ALK: variants seen among roughly 807,000 people sequenced by gnomAD.
ALK encodes ALK receptor tyrosine kinase.
Under a neutral mutation model 163.1 loss-of-function variants are expected in ALK, and 74 were observed. The observed-to-expected ratio is 0.45, with a 90% CI of 0.38 to 0.55. The LOEUF (loss-of-function observed/expected upper bound fraction) is 0.55, where lower values mean the gene tolerates loss of function less well. ALK is among the 20% of genes least tolerant of loss of function. The pLI is 0.00. For missense variants in ALK, 2,063 were observed against 2,105.3 expected, an observed-to-expected ratio of 0.98 and a Z score of 0.39; for synonymous variants, 960 against 843.2, an observed-to-expected ratio of 1.14 and a Z score of -2.40.
chr2:29,344,819 A>C (rs1267395622), intron 5 of ALK, among the ~76,000 whole-genome samples: 1 of 152,214 alleles, frequency 6.6e-6, no homozygotes, highest in African/African-American at 2.4e-5. Context: ...AGAAGGCTCT[A>C]GGAAAGAGAT....
chr2:29,919,440 G>A (rs1374260819), intron 1 of ALK, among the ~76,000 whole-genome samples: 1 of 152,022 alleles, frequency 6.6e-6, no homozygotes, highest in East Asian at 1.9e-4. Flanking sequence ...GGGGGTGGGA[G>A]GGGGAGAATA....
At chr2:29,539,936 GAA>G (rs1673368514) in intron 3 of ALK, among the ~76,000 whole-genome samples, 1 of 152,104 alleles carries the variant, frequency 6.6e-6, no homozygotes, top group Admixed American at 6.5e-5. Context: ...CCAGAATTTT[GAA>G]AAGTTGTGAG....
intron 3 of ALK, among the ~76,000 whole-genome samples, chr2:29,579,295 T>G (rs1243673861): frequency 6.6e-6 from 1 of 152,234 alleles, no homozygotes; most frequent in African/African-American, 2.4e-5. Flanking sequence ...TCCAGGCTCT[T>G]TCTGATCTTT....
intron 1 of ALK, among the ~76,000 whole-genome samples, chr2:29,745,873 C>G: frequency 6.6e-6 from 1 of 152,202 alleles, no homozygotes; most frequent in East Asian, 1.9e-4. Flanking sequence ...TGATCCTAGA[C>G]TGTAAAAACC....
At chr2:29,865,157 C>T (rs4280416) in intron 1 of ALK, among the ~76,000 whole-genome samples, 119,828 of 152,188 alleles carry the variant, frequency 0.79, 47,435 homozygotes, top group Non-Finnish European at 0.83. Flanking sequence ...CTTCTTGCCA[C>T]GTCAGGTGAC....
At chr2:29,465,719 TA>T (rs1374687085) in intron 4 of ALK, among the ~76,000 whole-genome samples, 1 of 151,614 alleles carries the variant, frequency 6.6e-6, no homozygotes, top group Non-Finnish European at 1.5e-5. Context: ...CAAAAAAAGT[TA>T]AAAGTAGTTC....
At chr2:29,684,512 G>C (rs1457756684) in intron 3 of ALK, among the ~76,000 whole-genome samples, 1 of 152,188 alleles carries the variant, frequency 6.6e-6, no homozygotes, top group East Asian at 1.9e-4. Flanking sequence ...CGGGATGGCT[G>C]GTAAGTTTTA....
In ALK at chr2:29,216,937, G is replaced by A. The variant is rs201477217; in HGVS notation, c.3646-2856C>T. On this transcript the variant is annotated intron_variant, in intron 23 of 28. Coordinates refer to ENST00000389048, the MANE Select transcript of ALK (RefSeq NM_004304.5). The stretch of plus-strand genomic sequence containing the variant: ...TATGTCTTTATGGTGTGTGGGGGGT[G>A]TGTGTGTGGCATGTGATGTGTGTGT... Among the ~76,000 whole-genome samples the A allele has an allele frequency of 6.5e-4, 34 of 52,452 alleles. No individual in the cohort carries two copies. In the Middle Eastern group the frequency reaches 0.032, roughly 49 times the overall value. 34.4% of individuals were successfully genotyped at this position (52,452 alleles called of 152,430 possible). A position where few individuals can be genotyped will look rare whatever the true frequency, so the allele number is the denominator to read the frequency against.
chr2:29,342,289 C>T lies in ALK; in HGVS notation c.1283-13808G>A, dbSNP rs552232605. ...TTTGAAAAGGAAATAAATTCTAACA[C>T]ATGCTTCCATATGGATGAACCTTGA... On this transcript the variant is annotated intron_variant, in intron 5 of 28. Transcript: ENST00000389048. Among the ~76,000 whole-genome samples, 151 of 152,324 alleles carry T rather than the reference C, an allele frequency of 9.9e-4. 1 individual carries two copies. The highest frequency in any genetic ancestry group is 6.0e-4 in the Non-Finnish European group (41 of 68,032).
At chr2:29,579,184 A>G (rs1025233796) in intron 3 of ALK, among the ~76,000 whole-genome samples, 1 of 152,214 alleles carries the variant, frequency 6.6e-6, no homozygotes, top group Non-Finnish European at 1.5e-5. Context: ...TAGCCTTGAC[A>G]CTGTGGCCAA....
intron 4 of ALK, among the ~76,000 whole-genome samples, chr2:29,504,223 T>C (rs2148134361): frequency 6.6e-6 from 1 of 151,932 alleles, no homozygotes; most frequent in Middle Eastern, 3.4e-3. Flanking sequence ...AAAGGGCCAG[T>C]GGCCAGGAGA....
At chr2:29,569,571 CCT>C (rs113708098) in intron 3 of ALK, among the ~76,000 whole-genome samples, 100,093 of 151,624 alleles carry the variant, frequency 0.66, 33,249 homozygotes, top group South Asian at 0.78. Flanking sequence ...CTTCCCCCCC[CCT>C]AGTGAGGTCC....
intron 1 of ALK, among the ~76,000 whole-genome samples, chr2:29,871,224 G>T (rs145671513): frequency 3.2e-4 from 49 of 152,246 alleles, no homozygotes; most frequent in African/African-American, 1.1e-3. Flanking sequence ...ACCAGTGAAG[G>T]CATCCTTTCA....
intron 9 of ALK, among the ~76,000 whole-genome samples, chr2:29,294,570 A>G (rs1363356392): frequency 6.6e-6 from 1 of 152,214 alleles, no homozygotes; most frequent in Non-Finnish European, 1.5e-5. Context: ...GACTTGGAAG[A>G]TCAGTGGTTG....
chr2:29,869,024 G>A (rs772572159), intron 1 of ALK, among the ~76,000 whole-genome samples: 33 of 152,304 alleles, frequency 2.2e-4, no homozygotes, highest in Admixed American at 9.2e-4. Context: ...CTGCTGACCA[G>A]GAGACAGAGT....
intron 4 of ALK, among the ~76,000 whole-genome samples, chr2:29,447,205 C>G (rs947088179): frequency 6.6e-6 from 1 of 152,110 alleles, no homozygotes; most frequent in Non-Finnish European, 1.5e-5. Context: ...CACAATCTAC[C>G]CCCAGCTGAC....
intron 1 of ALK, among the ~76,000 whole-genome samples, chr2:29,784,713 A>AAAC (rs34379763): frequency 0.88 from 132,948 of 150,800 alleles, 58,862 homozygotes; most frequent in Middle Eastern, 0.94. Context: ...ACAACAACAA[A>AAAC]AACAACAACA....
chr2:29,387,990 G>T (rs1340155178), intron 4 of ALK, among the ~76,000 whole-genome samples: 2 of 152,150 alleles, frequency 1.3e-5, no homozygotes, highest in Non-Finnish European at 2.9e-5. Context: ...ACTTAGCATT[G>T]CTGGAGGCAT....
chr2:29,462,243 A>ATT (rs1364365155), intron 4 of ALK, among the ~76,000 whole-genome samples: 2 of 152,224 alleles, frequency 1.3e-5, no homozygotes, highest in African/African-American at 4.8e-5. Flanking sequence ...GATTTAAAAT[A>ATT]TTTCATAAAC....
Sources: gnomAD v4.1 joint callset for allele counts (sites outside exome capture counted in the v4.1 genomes callset) on GRCh38, gnomAD v4.1.1 for gene constraint, MANE v1.5 for transcripts, NCBI Gene and HGNC (gene_info 2026-07-23, HGNC 2026-07-21) for gene names.